Variants in SCHIP1 observed in about 807,000 individuals in gnomAD.
SCHIP1 encodes schwannomin-interacting protein 1.
A neutral mutation model predicts 29.7 loss-of-function variants in SCHIP1; 8 were observed. That is an observed-to-expected ratio of 0.27 (90% CI 0.16 to 0.49). The LOEUF is 0.49. SCHIP1 is among the 20% of genes least tolerant of loss of function. The pLI is 0.99. For synonymous variants in SCHIP1, 76 were observed against 94.9 expected (o/e 0.80, Z 1.16); for missense variants, 193 against 294.6 (o/e 0.66, Z 2.52).
the SCHIP1 span, among the ~76,000 whole-genome samples, chr3:159,384,753 T>C: frequency 2.0e-5 from 3 of 152,024 alleles, no homozygotes; most frequent in Non-Finnish European, 4.4e-5. Flanking sequence ...CTCTTTTTGG[T>C]TGGTAAGCTA....
At chr3:159,340,254 C>G in the SCHIP1 span, among the ~76,000 whole-genome samples, 1 of 151,644 alleles carries the variant, frequency 6.6e-6, no homozygotes, top group Non-Finnish European at 1.5e-5. Flanking sequence ...GATGGAAAAC[C>G]CTCTCTCATT....
the SCHIP1 span, among the ~76,000 whole-genome samples, chr3:159,330,586 G>T: frequency 2.4e-3 from 362 of 152,140 alleles, 1 homozygote; most frequent in African/African-American, 8.0e-3. Context: ...TGTATTTTAA[G>T]GTAATCTTAT....
At chr3:159,480,999 C>T in the SCHIP1 span, among the ~76,000 whole-genome samples, 1 of 152,028 alleles carries the variant, frequency 6.6e-6, no homozygotes, top group Non-Finnish European at 1.5e-5. Flanking sequence ...GGGCGGGGGT[C>T]ACAAGGTGCT....
At chr3:159,807,685 G>A in the SCHIP1 span, among the ~76,000 whole-genome samples, 1 of 152,124 alleles carries the variant, frequency 6.6e-6, no homozygotes, top group African/African-American at 2.4e-5. Flanking sequence ...TGAGAAATGT[G>A]GGGAAAATAC....
the SCHIP1 span, among the ~76,000 whole-genome samples, chr3:159,613,143 C>CA: frequency 6.6e-6 from 1 of 152,026 alleles, no homozygotes; most frequent in Non-Finnish European, 1.5e-5. Context: ...TGATAAATAA[C>CA]AAAAAAATTG....
chr3:159,605,467 G>A, the SCHIP1 span, among the ~76,000 whole-genome samples: 1 of 152,166 alleles, frequency 6.6e-6, no homozygotes, highest in African/African-American at 2.4e-5. Context: ...AGATCTTCCT[G>A]ACCAATCCTA....
chr3:159,642,352 C>T, the SCHIP1 span, among the ~76,000 whole-genome samples: 1 of 152,012 alleles, frequency 6.6e-6, no homozygotes, highest in African/African-American at 2.4e-5. Flanking sequence ...AGACAACCAC[C>T]TCTGCCTCCA....
the SCHIP1 span, among the ~76,000 whole-genome samples, chr3:159,462,758 T>C: frequency 6.6e-6 from 1 of 152,140 alleles, no homozygotes; most frequent in South Asian, 2.1e-4. Context: ...CATATTATTT[T>C]CTCCAAGAGA....
chr3:159,337,407 G>A, the SCHIP1 span, among the ~76,000 whole-genome samples: 7 of 152,136 alleles, frequency 4.6e-5, no homozygotes, highest in Non-Finnish European at 8.8e-5. Flanking sequence ...AGGTCAAATT[G>A]TCCTTGTTTG....
the SCHIP1 span, among the ~76,000 whole-genome samples, chr3:159,626,226 ATATC>A: frequency 3.5e-5 from 4 of 114,046 alleles, 1 homozygote; most frequent in African/African-American, 2.4e-4. Context: ...AGATATATAT[ATATC>A]TAGATATATC....
chr3:159,705,879 G>T, the SCHIP1 span, among the ~76,000 whole-genome samples: 1 of 151,932 alleles, frequency 6.6e-6, no homozygotes, highest in East Asian at 1.9e-4. Flanking sequence ...GCTAATTTTT[G>T]TATTTTTAGT....
At chr3:159,754,008 T>C in the SCHIP1 span, among the ~76,000 whole-genome samples, 17 of 152,220 alleles carry the variant, frequency 1.1e-4, no homozygotes, top group Admixed American at 1.1e-3. Context: ...TATTGCAAAC[T>C]GTAATTTAAA....
chr3:159,825,263 A>G, the SCHIP1 span, among the ~76,000 whole-genome samples: 53 of 152,264 alleles, frequency 3.5e-4, no homozygotes, highest in South Asian at 2.7e-3. Context: ...GCAGTTGAGT[A>G]AGTGTTAGCC....
the SCHIP1 span, among the ~76,000 whole-genome samples, chr3:159,441,449 G>T: frequency 2.0e-5 from 3 of 152,018 alleles, no homozygotes; most frequent in Non-Finnish European, 4.4e-5. Flanking sequence ...AAAGTAATTT[G>T]CACAAGCCAA....
At chr3:159,866,310 A>C in intron 2 of SCHIP1, 29 bp downstream of exon 3, 1 of 1,589,466 alleles carries the variant, frequency 6.3e-7, no homozygotes. Flanking sequence ...TGAATTTCTG[A>C]TATGTACACA....
At chr3:159,523,970 C>T in the SCHIP1 span, among the ~76,000 whole-genome samples, 2 of 152,190 alleles carry the variant, frequency 1.3e-5, no homozygotes, top group Non-Finnish European at 2.9e-5. Context: ...CATTCTAGGC[C>T]TTGGTGATTA....
the SCHIP1 span, among the ~76,000 whole-genome samples, chr3:159,677,889 G>A: frequency 6.6e-6 from 1 of 152,168 alleles, no homozygotes; most frequent in Admixed American, 6.5e-5. Flanking sequence ...AGGCTGGGGT[G>A]CAGTGGTGCC....
chr3:159,777,492 A>G, the SCHIP1 span, among the ~76,000 whole-genome samples: 2 of 151,588 alleles, frequency 1.3e-5, no homozygotes, highest in Non-Finnish European at 2.9e-5. Context: ...TATTTCACTT[A>G]ATTTTTATAC....
chr3:159,651,801 A>G, the SCHIP1 span, among the ~76,000 whole-genome samples: 1 of 152,206 alleles, frequency 6.6e-6, no homozygotes, highest in Non-Finnish European at 1.5e-5. Context: ...ATATTACCAT[A>G]AGTATAGCAA....
Sources: gnomAD v4.1 joint callset for allele counts (sites outside exome capture counted in the v4.1 genomes callset) on GRCh38, gnomAD v4.1.1 for gene constraint, MANE v1.5 for transcripts, NCBI Gene and HGNC (gene_info 2026-07-23, HGNC 2026-07-21) for gene names.